Variants in CNTN4 observed in about 807,000 individuals in gnomAD.
CNTN4 encodes contactin-4.
Under a neutral mutation model 122.5 loss-of-function variants are expected in CNTN4, and 77 were observed. That is an observed-to-expected ratio of 0.63 (90% CI 0.52 to 0.76). CNTN4 has a LOEUF of 0.76. Among genes scored for constraint, CNTN4 ranks in the 30% least tolerant of loss-of-function variants. The pLI is 0.00. For synonymous variants in CNTN4, 512 were observed against 447.0 expected (o/e 1.15, Z -1.83); for missense variants, 1,256 against 1,259.1 (o/e 1.00, Z 0.04).
At chr3:2,611,620 G>A (rs1194586168) in intron 4 of CNTN4, among the ~76,000 whole-genome samples, 3 of 152,104 alleles carry the variant, frequency 2.0e-5, no homozygotes, top group Non-Finnish European at 4.4e-5. Context: ...GTTACCTGCT[G>A]TCCACCTAGC....
chr3:2,403,594 A>G (rs542947839), intron 3 of CNTN4, among the ~76,000 whole-genome samples: 19 of 152,310 alleles, frequency 1.2e-4, no homozygotes, highest in Admixed American at 5.9e-4. Flanking sequence ...TTAGTAAATT[A>G]GTAGTCTAGG....
rs963482465 is a variant in CNTN4, at chr3:3,021,850, C to T, written c.1487-4252C>T. On this transcript the variant is annotated intron_variant, in intron 14 of 24. Transcript: ENST00000418658. ...ATCCCAGCACTTTGGGAGGCCAAGG[C>T]GGGAGGATCTCTTGAGGCCAGGAGT... Among the ~76,000 whole-genome samples, 183 of 152,190 alleles carry T rather than the reference C, an allele frequency of 1.2e-3. 3 individuals carry two copies. Among genetic ancestry groups the T allele is most frequent in the African/African-American group, 4.3e-3 (178 of 41,514 alleles).
At chr3:2,321,014 G>C (rs2043259201) in intron 2 of CNTN4, among the ~76,000 whole-genome samples, 1 of 152,088 alleles carries the variant, frequency 6.6e-6, no homozygotes, top group Non-Finnish European at 1.5e-5. Flanking sequence ...AGAGTTCAAA[G>C]AGAAATGATA....
chr3:2,295,306 T>C (rs1288239743), intron 2 of CNTN4, among the ~76,000 whole-genome samples: 1 of 140,734 alleles, frequency 7.1e-6, no homozygotes. Context: ...AGTGTAAAAG[T>C]GTTCCTATTT....
At chr3:2,112,905 C>T (rs897018305) in intron 2 of CNTN4, among the ~76,000 whole-genome samples, 2 of 152,142 alleles carry the variant, frequency 1.3e-5, no homozygotes. Context: ...CTACAGGCTT[C>T]TAGTCATTCA....
intron 3 of CNTN4, among the ~76,000 whole-genome samples, chr3:2,566,347 A>C (rs551616004): frequency 6.6e-6 from 1 of 152,318 alleles, no homozygotes; most frequent in African/African-American, 2.4e-5. Flanking sequence ...AGCCTCTCAT[A>C]TTCTAATTGC....
chr3:3,045,566 G>A (rs1471079488), intron 23 of CNTN4, among the ~76,000 whole-genome samples: 1 of 152,234 alleles, frequency 6.6e-6, no homozygotes, highest in South Asian at 2.1e-4. Flanking sequence ...GCAGCTGAGG[G>A]TCCTGACTGT....
intron 3 of CNTN4, among the ~76,000 whole-genome samples, chr3:2,503,934 T>A (rs1436729496): frequency 1.3e-5 from 2 of 152,080 alleles, no homozygotes; most frequent in African/African-American, 2.4e-5. Flanking sequence ...GGATTTTTAA[T>A]AGGAGGACTG....
chr3:2,119,326 C>G (rs2033570478), intron 2 of CNTN4, among the ~76,000 whole-genome samples: 1 of 152,190 alleles, frequency 6.6e-6, no homozygotes. Context: ...TCTAGTCCAT[C>G]CTATTGGTTT....
At chr3:3,023,404 A>G (rs1698460277) in intron 14 of CNTN4, among the ~76,000 whole-genome samples, 1 of 152,194 alleles carries the variant, frequency 6.6e-6, no homozygotes, top group African/African-American at 2.4e-5. Flanking sequence ...GTCCTTGCTT[A>G]AAAGACAGCT....
chr3:2,264,537 T>G (rs951010003), intron 2 of CNTN4, among the ~76,000 whole-genome samples: 1 of 152,152 alleles, frequency 6.6e-6, no homozygotes, highest in Non-Finnish European at 1.5e-5. Flanking sequence ...TATGGAAAGT[T>G]TGCAAATATT....
At chr3:2,204,029 T>G (rs1206774392) in intron 2 of CNTN4, among the ~76,000 whole-genome samples, 1 of 152,188 alleles carries the variant, frequency 6.6e-6, no homozygotes, top group East Asian at 1.9e-4. Context: ...TTCCAAAGAT[T>G]ATCATGTAAA....
At chr3:3,033,513 T>A (rs1699356145) in intron 16 of CNTN4, among the ~76,000 whole-genome samples, 1 of 152,110 alleles carries the variant, frequency 6.6e-6, no homozygotes, top group Non-Finnish European at 1.5e-5. Context: ...GAGAGGTTTC[T>A]TTTTTCCCTG....
At chr3:2,530,104 C>G (rs922534708) in intron 3 of CNTN4, among the ~76,000 whole-genome samples, 2 of 152,080 alleles carry the variant, frequency 1.3e-5, no homozygotes, top group African/African-American at 4.8e-5. Flanking sequence ...TTTCAGAAAT[C>G]TTGTAATAAA....
At chr3:2,222,573 T>A (rs1172424489) in intron 2 of CNTN4, among the ~76,000 whole-genome samples, 1 of 152,106 alleles carries the variant, frequency 6.6e-6, no homozygotes, top group African/African-American at 2.4e-5. Context: ...ATGAATTGTA[T>A]ACTTTGAAGG....
At chr3:2,271,626 A>G (rs187203008) in intron 2 of CNTN4, among the ~76,000 whole-genome samples, 1 of 152,266 alleles carries the variant, frequency 6.6e-6, no homozygotes, top group Admixed American at 6.5e-5. Flanking sequence ...ATAGCCAAGA[A>G]AACAGCCAAC....
intron 7 of CNTN4, among the ~76,000 whole-genome samples, chr3:2,831,353 T>C (rs2093100724): frequency 6.6e-6 from 1 of 152,234 alleles, no homozygotes; most frequent in African/African-American, 2.4e-5. Context: ...CCACTAATGA[T>C]TTTGACATTT....
At chr3:2,423,186 G>C (rs2151124509) in intron 3 of CNTN4, among the ~76,000 whole-genome samples, 1 of 152,308 alleles carries the variant, frequency 6.6e-6, no homozygotes, top group African/African-American at 2.4e-5. Context: ...CCTCTGGAAA[G>C]CCTCACAAGT....
At chr3:2,713,516 A>G (rs1033549756) in intron 4 of CNTN4, among the ~76,000 whole-genome samples, 1 of 152,174 alleles carries the variant, frequency 6.6e-6, no homozygotes, top group Non-Finnish European at 1.5e-5. Flanking sequence ...TAGAGTCTCT[A>G]CCTTCATTCC....
Sources: allele counts gnomAD v4.1 joint callset (sites outside exome capture counted in the v4.1 genomes callset), GRCh38; gene constraint gnomAD v4.1.1; transcripts MANE v1.5; gene names NCBI Gene and HGNC (gene_info 2026-07-23, HGNC 2026-07-21).